CYP4F11: variants seen among roughly 807,000 people sequenced by gnomAD.
CYP4F11 encodes the protein cytochrome P450 4F11.
Under a neutral mutation model 62.2 loss-of-function variants are expected in CYP4F11, and 79 were observed. That is an observed-to-expected ratio of 1.27 (90% CI 1.06 to 1.53). The LOEUF is 1.53. CYP4F11 is among the 40% of genes most tolerant of loss of function. The probability of loss-of-function intolerance (pLI) is 0.00; values close to 1 mark genes in which losing one functional copy is unlikely to be tolerated. For synonymous variants in CYP4F11, 290 were observed against 263.7 expected, an observed-to-expected ratio of 1.10 and a Z score of -0.97; for missense variants, 777 against 680.5, an observed-to-expected ratio of 1.14 and a Z score of -1.58.
intron 8 of CYP4F11, among the ~76,000 whole-genome samples, chr19:15,921,497 C>G (rs972309212): frequency 2.6e-5 from 4 of 152,224 alleles, no homozygotes; most frequent in Admixed American, 6.5e-5. Context: ...GAAAACAGAT[C>G]GCAGGGCTGG....
intron 4 of CYP4F11, among the ~76,000 whole-genome samples, chr19:15,925,488 G>A (rs1335934163): frequency 2.0e-5 from 3 of 151,888 alleles, no homozygotes; most frequent in Admixed American, 6.6e-5. Context: ...TACTTGGGAG[G>A]GGAACATTAC....
In CYP4F11 at chr19:15,933,812, ATGAG is replaced by A. The variant is rs1246748825; in HGVS notation, c.198+395_198+398del. Among the ~76,000 whole-genome samples the A allele has an allele frequency of 9.3e-5, 4 of 43,180 alleles. 2 individuals are homozygous for A. Among genetic ancestry groups the A allele is most frequent in the Non-Finnish European group, 1.9e-4 (4 of 20,516 alleles). The allele number at this position is 43,180 out of a possible 152,430, so 28.3% of individuals were successfully genotyped here. On this transcript the variant is annotated intron_variant, in intron 1 of 11. Transcript: ENST00000402119. ...GAGGAATGAGTGAGTGAGGAGAAGA[ATGAG>A]TGAGTGAGGAGAAGAATGAGTGAGT...
intron 2 of CYP4F11, 169 bp from the exon 3 acceptor site, chr19:15,927,652 C>T: frequency 4.9e-6 from 4 of 808,438 alleles, no homozygotes; most frequent in Non-Finnish European, 5.9e-6. Context: ...GAAGGAGAGA[C>T]CAGACCAGGC....
intron 11 of CYP4F11, among the ~76,000 whole-genome samples, 165 bp from the exon 12 acceptor site, chr19:15,914,074 A>C (rs891683448): frequency 6.6e-6 from 1 of 152,086 alleles, no homozygotes; most frequent in Non-Finnish European, 1.5e-5. Context: ...ATATCCCCCA[A>C]ACCTGGCCCA....
intron 8 of CYP4F11, among the ~76,000 whole-genome samples, chr19:15,917,781 A>T (rs2089594086): frequency 6.6e-6 from 1 of 152,172 alleles, no homozygotes; most frequent in Non-Finnish European, 1.5e-5. Context: ...TCTTCCACAA[A>T]AAGAAAAAAA....
rs762783310 is a variant in CYP4F11 at position 15,922,351 on chromosome 19, C to T, written c.985+13G>A. 6.2e-6 allele frequency: 10 copies of T among 1,614,158 alleles called. No homozygotes were observed. Among genetic ancestry groups the T allele is most frequent in the East Asian group, 2.2e-5 (1 of 44,882 alleles). On this transcript the variant is annotated intron_variant, in intron 7 of 11. Transcript: ENST00000402119. ...CCCCTGTCCCCACCGTAGTCCCACA[C>T]TGAGACCCTCACCCTCAAACATGAA...
chr19:15,931,625 G>C (rs867928686), intron 1 of CYP4F11, among the ~76,000 whole-genome samples: 614 of 56,086 alleles, frequency 0.011, 5 homozygotes, highest in Non-Finnish European at 0.013. Flanking sequence ...AGTGAGCGAG[G>C]AGAGGAATGA....
At chr19:15,921,527 A>G (rs931396843) in intron 8 of CYP4F11, among the ~76,000 whole-genome samples, 7 of 152,228 alleles carry the variant, frequency 4.6e-5, no homozygotes, top group Non-Finnish European at 1.0e-4. Flanking sequence ...AGCTCTCCAG[A>G]GCACCGAAAG....
intron 1 of CYP4F11, among the ~76,000 whole-genome samples, chr19:15,931,625 G>A (rs867928686): frequency 1.1e-3 from 61 of 56,358 alleles, no homozygotes; most frequent in East Asian, 1.5e-3. Flanking sequence ...AGTGAGCGAG[G>A]AGAGGAATGA....
chr19:15,924,868 G>A lies in CYP4F11; in HGVS notation c.540C>T (p.Arg180=), dbSNP rs1357696380. ...SVNIMHDKWQ[R]LASEGSARLD... ...GTCTGGCGCTGCCCTCTGAGGCCAGGCGCTGCCACTTGTCCTGGCCAGAGA... is the reference window on the plus strand; with the variant it reads ...GTCTGGCGCTGCCCTCTGAGGCCAGACGCTGCCACTTGTCCTGGCCAGAGA... The change falls in exon 5 of 12, where the codon CGC becomes CGT. Residue 180 remains arginine (R), a synonymous_variant. Coordinates refer to ENST00000402119, the MANE Select transcript of CYP4F11 (RefSeq NM_021187.4). The A allele has an allele frequency of 1.9e-6, 3 of 1,611,618 alleles. No individual in the cohort carries two copies. Among genetic ancestry groups the A allele is most frequent in the Non-Finnish European group, 2.5e-6 (3 of 1,178,652 alleles).
At chr19:15,916,157 C>T (rs1270335679) in intron 8 of CYP4F11, among the ~76,000 whole-genome samples, 1 of 152,076 alleles carries the variant, frequency 6.6e-6, no homozygotes, top group Non-Finnish European at 1.5e-5. Context: ...CTATGACAAA[C>T]TATGTGTCAA....
intron 1 of CYP4F11, 73 bp downstream of exon 1, chr19:15,934,138 C>A: frequency 6.5e-7 from 1 of 1,538,062 alleles, no homozygotes; most frequent in East Asian, 2.3e-5. Flanking sequence ...ACCCAGCTCC[C>A]TGAGCCCCAT....
At position 15,934,369 on chromosome 19, in the gene CYP4F11, CG is replaced by C. The variant is rs773013466; in HGVS notation, c.39del (p.Val14TrpfsTer61). ...AGAAGCAGCCACGGGGATGCTGCCA[CG>C]GGCCCGAGGCCCAGCCAGGACAGGC... is the stretch of plus-strand genomic sequence containing the variant. Reference protein sequence around the residue: ...QLSLSWLGLGPVAASPWLLLL... With the variant: ...QLSLSWLGLGXVAASPWLLLL... On this transcript the variant is annotated frameshift_variant, in exon 1 of 12. Transcript: ENST00000402119. LOFTEE classifies it high-confidence loss of function. The C allele has an allele frequency of 1.2e-5, 19 of 1,613,276 alleles. No homozygotes were observed. Among genetic ancestry groups the C allele is most frequent in the South Asian group, 2.2e-5 (2 of 91,050 alleles).
At chr19:15,924,920 C>G in intron 4 of CYP4F11, 38 bp from the exon 5 acceptor site, 1 of 1,588,134 alleles carries the variant, frequency 6.3e-7, no homozygotes, top group Non-Finnish European at 8.6e-7. Flanking sequence ...CTGGGAACTG[C>G]CTCCTGGGAG....
rs377207623 is a variant in CYP4F11 at position 15,915,939 on chromosome 19, T to G, written c.1116-1044A>C. Among the ~76,000 whole-genome samples, 37 of 151,976 alleles carry G rather than the reference T, an allele frequency of 2.4e-4. No individual in the cohort carries two copies. The East Asian group carries it at 7.2e-3, about 29-fold the overall frequency. ...ATAATAATGATAATAATATAAAATATCTGAATTAAATTTTAACAAGAGACG... is the reference window on the plus strand; with the variant it reads ...ATAATAATGATAATAATATAAAATAGCTGAATTAAATTTTAACAAGAGACG... On this transcript the variant is annotated intron_variant, in intron 8 of 11. Transcript: ENST00000402119.
chr19:15,913,811 C>CGG lies in CYP4F11; in HGVS notation c.1494_1495dup (p.Arg499ProfsTer7). ...GCGCAATATCAGCTCGGGTTTCCTGCGGGGTTCAGTGTGGGTCGGCAGGAT... is the reference window on the plus strand; with the variant it reads ...GCGCAATATCAGCTCGGGTTTCCTGCGGGGGGTTCAGTGTGGGTCGGCAGGAT... On this transcript the variant is annotated frameshift_variant, in exon 12 of 12. Transcript: ENST00000402119. LOFTEE classifies it high-confidence loss of function. The CGG allele has an allele frequency of 1.2e-6, 2 of 1,614,164 alleles. No individual in the cohort carries two copies. Among genetic ancestry groups the CGG allele is most frequent in the Non-Finnish European group, 1.7e-6 (2 of 1,180,014 alleles).
chr19:15,921,084 CT>C (rs2089624959), intron 8 of CYP4F11, among the ~76,000 whole-genome samples: 2 of 139,622 alleles, frequency 1.4e-5, no homozygotes, highest in Admixed American at 7.0e-5. Context: ...CTCTCTCTCT[CT>C]CTCTCTCTCT....
intron 1 of CYP4F11, among the ~76,000 whole-genome samples, chr19:15,933,883 A>G (rs62104235): frequency 5.9e-4 from 9 of 15,278 alleles, no homozygotes; most frequent in South Asian, 3.1e-3. Flanking sequence ...TGAGTGAGCG[A>G]GAAGAGGAAT....
chr19:15,921,127 T>C (rs1007414427), intron 8 of CYP4F11, among the ~76,000 whole-genome samples: 1 of 147,728 alleles, frequency 6.8e-6, no homozygotes. Context: ...ACTCCCTCTC[T>C]CCTCCCTCGA....
Sources: allele counts gnomAD v4.1 joint callset (sites outside exome capture counted in the v4.1 genomes callset), GRCh38; gene constraint gnomAD v4.1.1; transcripts MANE v1.5; gene names NCBI Gene and HGNC (gene_info 2026-07-23, HGNC 2026-07-21).